Variants in ZHX2 observed in about 807,000 individuals in gnomAD.
ZHX2 encodes the protein zinc fingers and homeoboxes 2.
A neutral mutation model predicts 21.9 loss-of-function variants in ZHX2; 6 were observed. The ratio of observed to expected loss-of-function variants is 0.27; its 90% CI spans 0.15 to 0.54. The LOEUF is 0.54. Ranked by LOEUF, ZHX2 falls within the 20% of genes least tolerant of loss-of-function variation. ZHX2 has a pLI of 0.95. For synonymous variants in ZHX2, 434 were observed against 437.1 expected (o/e 0.99, Z 0.09); for missense variants, 908 against 1,090.7 (o/e 0.83, Z 2.36).
At chr8:122,847,865 C>T (rs1818788151) in intron 1 of ZHX2, among the ~76,000 whole-genome samples, 1 of 152,194 alleles carries the variant, frequency 6.6e-6, no homozygotes, top group Non-Finnish European at 1.5e-5. Flanking sequence ...TGTGACTTCC[C>T]TTCAGAAACA....
intron 1 of ZHX2, among the ~76,000 whole-genome samples, chr8:122,836,521 G>A (rs530186835): frequency 2.6e-5 from 4 of 152,294 alleles, no homozygotes; most frequent in African/African-American, 7.2e-5. Flanking sequence ...AACACGAGGC[G>A]GTGTGGAGCA....
intron 2 of ZHX2, among the ~76,000 whole-genome samples, chr8:122,875,540 G>A (rs1819552101): frequency 6.6e-6 from 1 of 152,186 alleles, no homozygotes; most frequent in Non-Finnish European, 1.5e-5. Flanking sequence ...CCTTCCCACA[G>A]TGGTGACTTT....
intron 1 of ZHX2, among the ~76,000 whole-genome samples, chr8:122,813,196 CAAAAAAA>C (rs35396999): frequency 1.0e-5 from 1 of 96,448 alleles, no homozygotes; most frequent in Admixed American, 1.1e-4. Context: ...AACTCTGTCT[CAAAAAAA>C]AAAAAAAAAG....
At chr8:122,822,106 C>T (rs1818164966) in intron 1 of ZHX2, among the ~76,000 whole-genome samples, 1 of 152,150 alleles carries the variant, frequency 6.6e-6, no homozygotes, top group Non-Finnish European at 1.5e-5. Flanking sequence ...CTATGTCAAG[C>T]AAAGCAGCTC....
intron 2 of ZHX2, among the ~76,000 whole-genome samples, chr8:122,948,548 A>C (rs1044805178): frequency 1.3e-5 from 2 of 152,256 alleles, no homozygotes; most frequent in African/African-American, 4.8e-5. Flanking sequence ...AAGAAAGAGT[A>C]ATGAGGAGAA....
chr8:122,823,288 G>C (rs1279478058), intron 1 of ZHX2, among the ~76,000 whole-genome samples: 1 of 152,180 alleles, frequency 6.6e-6, no homozygotes. Context: ...AAGGATTCCT[G>C]TTCTTATACT....
In ZHX2 at chr8:122,892,098, G is replaced by C. The variant is rs146099486; in HGVS notation, c.-220+28559G>C. Among the ~76,000 whole-genome samples the C allele has an allele frequency of 1.5e-3, 232 of 152,210 alleles. 2 individuals carry two copies. Among genetic ancestry groups the C allele is most frequent in the African/African-American group, 5.5e-3 (227 of 41,532 alleles). On this transcript the variant is annotated intron_variant, in intron 2 of 3. Transcript: ENST00000314393. Reference sequence around the variant, plus strand: ...AGCAATGTATGCTTTTTATATCCGGGTGTTCCTGTGCTGAGTGCATATATA... The same window carrying C: ...AGCAATGTATGCTTTTTATATCCGGCTGTTCCTGTGCTGAGTGCATATATA...
At chr8:122,950,640 A>G (rs1158574473) in intron 2 of ZHX2, among the ~76,000 whole-genome samples, 1 of 152,112 alleles carries the variant, frequency 6.6e-6, no homozygotes, top group Non-Finnish European at 1.5e-5. Flanking sequence ...TATCCCTACA[A>G]TGTACTAACA....
intron 1 of ZHX2, among the ~76,000 whole-genome samples, chr8:122,822,447 C>T (rs917046343): frequency 6.6e-6 from 1 of 152,152 alleles, no homozygotes; most frequent in African/African-American, 2.4e-5. Context: ...AGACTTGAAG[C>T]CATCTCATAG....
chr8:122,866,485 C>G (rs1483453628), intron 2 of ZHX2, among the ~76,000 whole-genome samples: 1 of 152,166 alleles, frequency 6.6e-6, no homozygotes, highest in Non-Finnish European at 1.5e-5. Flanking sequence ...TCACCCAGAC[C>G]TTAGTGGATA....
At chr8:122,970,177 A>G (rs1813685184) in intron 3 of ZHX2, among the ~76,000 whole-genome samples, 1 of 152,186 alleles carries the variant, frequency 6.6e-6, no homozygotes, top group Non-Finnish European at 1.5e-5. Context: ...ACTGTCTCTG[A>G]CCAGGTAATA....
intron 2 of ZHX2, among the ~76,000 whole-genome samples, chr8:122,890,651 GT>G (rs2129861498): frequency 6.6e-6 from 1 of 151,932 alleles, no homozygotes; most frequent in East Asian, 1.9e-4. Context: ...GTGTTCTATT[GT>G]TTTCATTGTA....
chr8:122,895,900 T>G (rs1182635762), intron 2 of ZHX2, among the ~76,000 whole-genome samples: 1 of 152,178 alleles, frequency 6.6e-6, no homozygotes, highest in Non-Finnish European at 1.5e-5. Flanking sequence ...TAAGCTTTAT[T>G]AAGAGTTTCA....
intron 1 of ZHX2, among the ~76,000 whole-genome samples, chr8:122,844,096 G>C (rs915422786): frequency 1.3e-5 from 2 of 152,154 alleles, no homozygotes; most frequent in South Asian, 4.1e-4. Context: ...ACGTCTGCCT[G>C]TGTTCCTCCC....
intron 2 of ZHX2, among the ~76,000 whole-genome samples, chr8:122,942,434 A>G (rs1812869271): frequency 6.6e-6 from 1 of 152,098 alleles, no homozygotes; most frequent in African/African-American, 2.4e-5. Context: ...TGACAGCCCT[A>G]GTGAAAAGCT....
intron 1 of ZHX2, among the ~76,000 whole-genome samples, chr8:122,818,311 AC>A (rs1213154241): frequency 6.6e-6 from 1 of 151,226 alleles, no homozygotes; most frequent in African/African-American, 2.4e-5. Flanking sequence ...AAAAAAAAAA[AC>A]AACCATTTTG....
At chr8:122,855,478 G>C (rs911677076) in intron 1 of ZHX2, among the ~76,000 whole-genome samples, 1 of 152,140 alleles carries the variant, frequency 6.6e-6, no homozygotes, top group Non-Finnish European at 1.5e-5. Flanking sequence ...CAAGGGGGCA[G>C]GGAAGGGAGA....
intron 1 of ZHX2, among the ~76,000 whole-genome samples, chr8:122,862,219 G>C (rs553962247): frequency 6.6e-5 from 10 of 152,126 alleles, no homozygotes; most frequent in Non-Finnish European, 1.2e-4. Flanking sequence ...CTCCCACAAA[G>C]CCAGGTCTGA....
intron 1 of ZHX2, among the ~76,000 whole-genome samples, chr8:122,836,973 G>A (rs1818517496): frequency 1.3e-5 from 2 of 152,298 alleles, no homozygotes; most frequent in South Asian, 4.1e-4. Flanking sequence ...AAAACAGCTT[G>A]CAGTAAATAA....
Sources: gnomAD v4.1 joint callset for allele counts (sites outside exome capture counted in the v4.1 genomes callset) on GRCh38, gnomAD v4.1.1 for gene constraint, MANE v1.5 for transcripts, NCBI Gene and HGNC (gene_info 2026-07-23, HGNC 2026-07-21) for gene names.